The following RBFOX1 variants were observed in gnomAD, a reference collection of about 807,000 sequenced individuals.
The protein encoded by RBFOX1 is RNA binding fox-1 homolog 1, also known as RNA binding protein fox-1 homolog 1.
Under a neutral mutation model 57.7 loss-of-function variants are expected in RBFOX1, and 8 were observed. The ratio of observed to expected loss-of-function variants is 0.14; its 90% confidence interval spans 0.08 to 0.25. The LOEUF (loss-of-function observed/expected upper bound fraction) is 0.25. RBFOX1 is among the 10% of genes least tolerant of loss of function. RBFOX1 has a pLI of 1.00. For synonymous variants in RBFOX1, 326 were observed against 222.4 expected, an observed-to-expected ratio of 1.47 and a Z score of -4.15; for missense variants, 611 against 548.5, an observed-to-expected ratio of 1.11 and a Z score of -1.14.
At chr16:7,091,277 TTTGTTACAAA>T (rs2060808950) in intron 4 of RBFOX1, among the ~76,000 whole-genome samples, 1 of 152,174 alleles carries the variant, frequency 6.6e-6, no homozygotes, top group Non-Finnish European at 1.5e-5. Flanking sequence ...ACTTTTTTTT[TTTGTTACAAA>T]TTTGGTGTTC....
intron 4 of RBFOX1, among the ~76,000 whole-genome samples, chr16:7,485,050 A>G (rs117871519): frequency 0.026 from 3,102 of 117,984 alleles, 44 homozygotes; most frequent in Non-Finnish European, 0.04. Flanking sequence ...TACGTTCCCC[A>G]ACATTAATCC....
At chr16:6,112,628 T>A (rs940683073) in intron 1 of RBFOX1, among the ~76,000 whole-genome samples, 1 of 150,236 alleles carries the variant, frequency 6.7e-6, no homozygotes, top group African/African-American at 2.5e-5. Flanking sequence ...GAGCCGGAGG[T>A]TGCGGTGAGC....
intron 3 of RBFOX1, among the ~76,000 whole-genome samples, chr16:6,736,290 T>C (rs1177623996): frequency 6.6e-6 from 1 of 152,154 alleles, no homozygotes; most frequent in Admixed American, 6.6e-5. Flanking sequence ...TGCATCATAT[T>C]GTCTTTTATC....
intron 3 of RBFOX1, among the ~76,000 whole-genome samples, chr16:5,681,347 G>T (rs1404244435): frequency 6.7e-6 from 1 of 150,096 alleles, no homozygotes; most frequent in South Asian, 2.1e-4. Context: ...GCCTCCCAAA[G>T]TGTTGGGATT....
intron 2 of RBFOX1, among the ~76,000 whole-genome samples, chr16:6,565,391 G>A (rs1271961331): frequency 6.6e-6 from 1 of 152,044 alleles, no homozygotes; most frequent in African/African-American, 2.4e-5. Flanking sequence ...CCAAGTAGCT[G>A]GAACTACAGG....
chr16:5,361,230 C>T (rs1413906920), intron 1 of RBFOX1, among the ~76,000 whole-genome samples: 1 of 152,132 alleles, frequency 6.6e-6, no homozygotes, highest in Non-Finnish European at 1.5e-5. Context: ...TCTTCCACTG[C>T]TGCCAATTTG....
intron 2 of RBFOX1, among the ~76,000 whole-genome samples, chr16:6,561,569 C>G (rs1181827628): frequency 6.6e-6 from 1 of 152,082 alleles, no homozygotes; most frequent in Non-Finnish European, 1.5e-5. Flanking sequence ...TTTAGAAGGG[C>G]GAGGGGTTGT....
intron 4 of RBFOX1, among the ~76,000 whole-genome samples, chr16:7,327,705 G>A (rs2096629131): frequency 6.6e-6 from 1 of 152,174 alleles, no homozygotes; most frequent in African/African-American, 2.4e-5. Flanking sequence ...TCGCAGATAT[G>A]ATTATTGGTA....
intron 3 of RBFOX1, among the ~76,000 whole-genome samples, chr16:7,002,423 C>G (rs1228184660): frequency 6.6e-6 from 1 of 152,170 alleles, no homozygotes; most frequent in Non-Finnish European, 1.5e-5. Context: ...AAGATCTTTT[C>G]AACTATTTTC....
chr16:5,635,222 C>A (rs1376850531), intron 3 of RBFOX1, among the ~76,000 whole-genome samples: 1 of 152,140 alleles, frequency 6.6e-6, no homozygotes, highest in East Asian at 1.9e-4. Flanking sequence ...AGCCATCTGA[C>A]AAAAGTCTCA....
chr16:6,837,698 A>G (rs921261068), intron 3 of RBFOX1, among the ~76,000 whole-genome samples: 2 of 152,194 alleles, frequency 1.3e-5, no homozygotes, highest in Admixed American at 6.5e-5. Flanking sequence ...TGTGCTAATC[A>G]CTGTGGGCAT....
At chr16:7,619,998 C>G (rs572469463) in intron 10 of RBFOX1, among the ~76,000 whole-genome samples, 2 of 152,274 alleles carry the variant, frequency 1.3e-5, no homozygotes, top group African/African-American at 2.4e-5. Flanking sequence ...ATTAAAACTC[C>G]TAAGTTTAAG....
intron 5 of RBFOX1, among the ~76,000 whole-genome samples, chr16:7,520,957 A>C (rs958498783): frequency 1.3e-5 from 2 of 152,238 alleles, no homozygotes; most frequent in Non-Finnish European, 1.5e-5. Flanking sequence ...GTTGAACAAA[A>C]CAAAATGATC....
At chr16:6,639,749 G>A (rs552316407) in intron 2 of RBFOX1, among the ~76,000 whole-genome samples, 27 of 152,140 alleles carry the variant, frequency 1.8e-4, no homozygotes, top group Middle Eastern at 3.4e-3. Flanking sequence ...CAAGGTGTTG[G>A]GCGCCTGTAG....
chr16:6,814,200 A>C (rs2089499807), intron 3 of RBFOX1, among the ~76,000 whole-genome samples: 1 of 147,674 alleles, frequency 6.8e-6, no homozygotes, highest in Admixed American at 6.9e-5. Context: ...CAACATGATG[A>C]TAATAACTGT....
intron 4 of RBFOX1, among the ~76,000 whole-genome samples, chr16:7,159,748 T>G (rs1453015395): frequency 1.3e-5 from 2 of 152,182 alleles, no homozygotes; most frequent in African/African-American, 4.8e-5. Context: ...CCCAGAAATT[T>G]CTGTCTTTCC....
chr16:7,529,370 A>C (rs1169724020), intron 5 of RBFOX1, among the ~76,000 whole-genome samples: 1 of 152,218 alleles, frequency 6.6e-6, no homozygotes, highest in Non-Finnish European at 1.5e-5. Context: ...GGCAAAATAA[A>C]TTTTTAGTTT....
intron 3 of RBFOX1, among the ~76,000 whole-genome samples, chr16:7,008,242 A>G (rs1352459000): frequency 6.6e-6 from 1 of 152,186 alleles, no homozygotes; most frequent in Non-Finnish European, 1.5e-5. Flanking sequence ...AGCTTAAAGT[A>G]TTAGAAAGTA....
intron 3 of RBFOX1, among the ~76,000 whole-genome samples, chr16:6,931,703 G>C (rs985443279): frequency 1.3e-5 from 2 of 152,208 alleles, no homozygotes; most frequent in African/African-American, 4.8e-5. Flanking sequence ...ACAGTTTCTA[G>C]TTGGTGGGTC....
Sources: gnomAD v4.1 joint callset for allele counts (sites outside exome capture counted in the v4.1 genomes callset) on GRCh38, gnomAD v4.1.1 for gene constraint, MANE v1.5 for transcripts, NCBI Gene and HGNC (gene_info 2026-07-23, HGNC 2026-07-21) for gene names.